The following TMEM108 variants were observed in gnomAD, a reference collection of about 807,000 sequenced individuals.
The protein encoded by TMEM108 is cancer/testis antigen 124.
TMEM108 carries 12 observed loss-of-function variants against 35.1 expected under a neutral mutation model. That is an observed-to-expected ratio of 0.34 (90% CI 0.22 to 0.55). The LOEUF (loss-of-function observed/expected upper bound fraction) is 0.55. Ranked by LOEUF, TMEM108 falls within the 20% of genes least tolerant of loss-of-function variation. The pLI is 0.89. For synonymous variants in TMEM108, 287 were observed against 308.6 expected, an observed-to-expected ratio of 0.93 and a Z score of 0.73; for missense variants, 680 against 753.3, an observed-to-expected ratio of 0.90 and a Z score of 1.14.
chr3:133,222,003 T>C lies in TMEM108; in HGVS notation c.-46-7263T>C, dbSNP rs535939799. On this transcript the variant is annotated intron_variant, in intron 2 of 5. Coordinates refer to ENST00000321871, the MANE Select transcript of TMEM108 (RefSeq NM_023943.4). ...TATTCTGAATTTGACTATGCACTTATTTTTACCAGTAAGTTTTATGCTTTC... is the reference window on the plus strand; with the variant it reads ...TATTCTGAATTTGACTATGCACTTACTTTTACCAGTAAGTTTTATGCTTTC... Among the ~76,000 whole-genome samples, 10 of 152,298 alleles carry C rather than the reference T, an allele frequency of 6.6e-5. No homozygotes were observed. In the South Asian group the frequency reaches 2.1e-3, roughly 32 times the overall value.
rs975188707 is a variant in TMEM108 at position 133,245,499 on chromosome 3, G to A, written c.40+16148G>A. 3.9e-4 allele frequency among the ~76,000 whole-genome samples: 59 copies of A among 152,252 alleles called. 1 individual carries two copies. Among genetic ancestry groups the A allele is most frequent in the African/African-American group, 1.3e-3 (55 of 41,538 alleles). On this transcript the variant is annotated intron_variant, in intron 3 of 5. Coordinates refer to ENST00000321871, the MANE Select transcript of TMEM108 (RefSeq NM_023943.4). Reference sequence around the variant, plus strand: ...CCACTCAGCATAAACACATCACCCAGTCTCTCTCCATTACTTTTCCCTAGT... The same window carrying A: ...CCACTCAGCATAAACACATCACCCAATCTCTCTCCATTACTTTTCCCTAGT...
chr3:133,082,510 T>G (rs1436323023), intron 2 of TMEM108, among the ~76,000 whole-genome samples: 5 of 152,238 alleles, frequency 3.3e-5, no homozygotes, highest in African/African-American at 9.6e-5. Context: ...TGTCCTGATT[T>G]GACTTGGACG....
intron 2 of TMEM108, among the ~76,000 whole-genome samples, chr3:133,077,792 C>T (rs1943759654): frequency 4.6e-5 from 7 of 152,048 alleles, no homozygotes; most frequent in African/African-American, 2.4e-5. Flanking sequence ...ATGGTCCATT[C>T]GAGAAAGGAC....
chr3:133,202,278 G>A (rs1408669781), intron 2 of TMEM108, among the ~76,000 whole-genome samples: 2 of 152,158 alleles, frequency 1.3e-5, no homozygotes, highest in African/African-American at 2.4e-5. Flanking sequence ...CTTTTGCTGT[G>A]CAGAAGATCT....
At chr3:133,279,052 C>G (rs140387362) in intron 3 of TMEM108, among the ~76,000 whole-genome samples, 1 of 152,180 alleles carries the variant, frequency 6.6e-6, no homozygotes, top group Non-Finnish European at 1.5e-5. Flanking sequence ...TAAAACCAGG[C>G]CCTTCAAGGC....
At chr3:133,320,026 G>T (rs1270797730) in intron 3 of TMEM108, among the ~76,000 whole-genome samples, 2 of 152,154 alleles carry the variant, frequency 1.3e-5, no homozygotes, top group African/African-American at 4.8e-5. Flanking sequence ...CCAGCATTTT[G>T]GGAGGCTGAG....
chr3:133,165,537 T>C (rs1375510687), intron 2 of TMEM108, among the ~76,000 whole-genome samples: 2 of 152,254 alleles, frequency 1.3e-5, no homozygotes, highest in African/African-American at 2.4e-5. Flanking sequence ...ATCTCACTTT[T>C]TGGAAAAAGA....
At position 133,216,956 on chromosome 3, in the gene TMEM108, T is replaced by C. The variant is rs78521538; in HGVS notation, c.-46-12310T>C. Among the ~76,000 whole-genome samples, 1,039 of 152,230 alleles carry C rather than the reference T, an allele frequency of 6.8e-3. 15 individuals are homozygous for C. The highest frequency in any genetic ancestry group is 0.024 in the African/African-American group (987 of 41,562). Reference sequence around the variant, plus strand: ...CTTGAATATATACCCAGTAGTGGGATTGATGGATTATGTGGTAGTTTTAGT... The same window carrying C: ...CTTGAATATATACCCAGTAGTGGGACTGATGGATTATGTGGTAGTTTTAGT... On this transcript the variant is annotated intron_variant, in intron 2 of 5. Coordinates refer to ENST00000321871, the MANE Select transcript of TMEM108 (RefSeq NM_023943.4).
chr3:133,196,472 T>C (rs549242487), intron 2 of TMEM108, among the ~76,000 whole-genome samples: 17 of 152,348 alleles, frequency 1.1e-4, no homozygotes, highest in Non-Finnish European at 1.8e-4. Flanking sequence ...CCATGTAGCT[T>C]GATGTAGTCC....
chr3:133,282,119 T>C (rs1031664455), intron 3 of TMEM108, among the ~76,000 whole-genome samples: 1 of 152,192 alleles, frequency 6.6e-6, no homozygotes, highest in African/African-American at 2.4e-5. Context: ...ATCACACCAC[T>C]GTACTCCAGC....
At chr3:133,058,442 T>A (rs892304422) in intron 2 of TMEM108, among the ~76,000 whole-genome samples, 1 of 152,250 alleles carries the variant, frequency 6.6e-6, no homozygotes, top group Non-Finnish European at 1.5e-5. Context: ...GCCTAGCAGT[T>A]AACATTGCTG....
chr3:133,229,382 A>C, intron 3 of TMEM108, 31 bp downstream of exon 3: 1 of 1,606,484 alleles, frequency 6.2e-7, no homozygotes, highest in Non-Finnish European at 8.5e-7. Context: ...TTCTTTCCTA[A>C]AATATACTAA....
At chr3:133,146,039 G>C (rs1944714807) in intron 2 of TMEM108, among the ~76,000 whole-genome samples, 1 of 152,156 alleles carries the variant, frequency 6.6e-6, no homozygotes, top group South Asian at 2.1e-4. Context: ...TCCTTGTCTT[G>C]TGCCGGTTTT....
At chr3:133,309,705 T>TCC (rs1559900262) in intron 3 of TMEM108, among the ~76,000 whole-genome samples, 2 of 85,820 alleles carry the variant, frequency 2.3e-5, no homozygotes, top group East Asian at 8.3e-4. Context: ...TTTTTTTTTT[T>TCC]TTTTTTTTTT....
chr3:133,278,596 A>C, intron 3 of TMEM108, among the ~76,000 whole-genome samples: 1 of 152,228 alleles, frequency 6.6e-6, no homozygotes. Flanking sequence ...TACTGTACTG[A>C]ATACTATAGG....
intron 2 of TMEM108, among the ~76,000 whole-genome samples, chr3:133,150,191 T>C (rs998808975): frequency 6.6e-6 from 1 of 152,182 alleles, no homozygotes; most frequent in Admixed American, 6.5e-5. Flanking sequence ...CTAATAGATA[T>C]GAAGTGATAT....
At chr3:133,278,931 T>TCAA (rs1946873766) in intron 3 of TMEM108, among the ~76,000 whole-genome samples, 1 of 152,128 alleles carries the variant, frequency 6.6e-6, no homozygotes, top group African/African-American at 2.4e-5. Flanking sequence ...TCCGGAGCAT[T>TCAA]CATGAAAAGT....
intron 3 of TMEM108, among the ~76,000 whole-genome samples, chr3:133,339,797 G>T (rs1042035324): frequency 2.0e-5 from 3 of 151,744 alleles, no homozygotes; most frequent in Non-Finnish European, 3.0e-5. Context: ...ATAACAAGAG[G>T]AATTTAGGAA....
At chr3:133,216,494 C>T (rs1164316312) in intron 2 of TMEM108, among the ~76,000 whole-genome samples, 1 of 152,068 alleles carries the variant, frequency 6.6e-6, no homozygotes, top group African/African-American at 2.4e-5. Context: ...TCCAAGAATA[C>T]AATATGTTAT....
Sources: allele counts gnomAD v4.1 joint callset (sites outside exome capture counted in the v4.1 genomes callset), GRCh38; gene constraint gnomAD v4.1.1; transcripts MANE v1.5; gene names NCBI Gene and HGNC (gene_info 2026-07-23, HGNC 2026-07-21).